Variants in NAV2 observed in about 807,000 individuals in gnomAD.
NAV2 encodes neuron navigator 2, also known as helicase, APC down-regulated 1.
NAV2 carries 54 observed loss-of-function variants against 223.2 expected under a neutral mutation model. The ratio of observed to expected loss-of-function variants is 0.24; its 90% confidence interval spans 0.19 to 0.30. NAV2 has a LOEUF of 0.30. NAV2 is among the 10% of genes least tolerant of loss of function. NAV2 has a pLI of 1.00. For missense variants in NAV2, 2,806 were observed against 3,147.5 expected (o/e 0.89, Z 2.60); for synonymous variants, 1,279 against 1,239.3 (o/e 1.03, Z -0.67).
intron 1 of NAV2, among the ~76,000 whole-genome samples, chr11:19,368,687 G>T (rs1216207828): frequency 2.0e-5 from 3 of 152,166 alleles, no homozygotes; most frequent in Non-Finnish European, 2.9e-5. Context: ...ATAACTAAAG[G>T]ACCTGAAGCT....
chr11:19,827,978 T>G, intron 1 of NAV2, among the ~76,000 whole-genome samples: 9 of 132,130 alleles, frequency 6.8e-5, no homozygotes, highest in Admixed American at 2.3e-4. Flanking sequence ...AAGGGGAGGG[T>G]GGGGAGGGAA....
intron 1 of NAV2, among the ~76,000 whole-genome samples, chr11:19,804,973 G>C (rs2058471530): frequency 6.6e-6 from 1 of 152,174 alleles, no homozygotes; most frequent in Non-Finnish European, 1.5e-5. Context: ...TAGTTGAATT[G>C]GGCTGAAGTG....
intron 1 of NAV2, among the ~76,000 whole-genome samples, chr11:19,653,806 A>G (rs1030811154): frequency 6.6e-6 from 1 of 152,170 alleles, no homozygotes; most frequent in Non-Finnish European, 1.5e-5. Flanking sequence ...TAATTTTCCC[A>G]TGGTAACGCA....
At chr11:19,444,452 C>G (rs1181249544) in intron 1 of NAV2, among the ~76,000 whole-genome samples, 4 of 152,098 alleles carry the variant, frequency 2.6e-5, no homozygotes, top group African/African-American at 9.7e-5. Context: ...GATGTAATGC[C>G]TCTTCCAGAT....
intron 3 of NAV2, among the ~76,000 whole-genome samples, chr11:19,863,422 AG>A (rs2061908234): frequency 6.6e-6 from 1 of 152,104 alleles, no homozygotes; most frequent in Non-Finnish European, 1.5e-5. Flanking sequence ...TAGGCTTGGT[AG>A]GTTCTTATTC....
intron 1 of NAV2, among the ~76,000 whole-genome samples, chr11:19,439,071 A>T (rs1851310007): frequency 6.6e-6 from 1 of 152,032 alleles, no homozygotes; most frequent in Non-Finnish European, 1.5e-5. Context: ...CCCCATCTTG[A>T]AGTTTTCTAG....
At chr11:20,109,949 C>T (rs2062484178) in intron 36 of NAV2, among the ~76,000 whole-genome samples, 1 of 152,230 alleles carries the variant, frequency 6.6e-6, no homozygotes, top group Admixed American at 6.5e-5. Context: ...GTGCCAAGGC[C>T]CTGCTCCTTT....
intron 1 of NAV2, among the ~76,000 whole-genome samples, chr11:19,415,420 A>C (rs1033252566): frequency 2.2e-4 from 34 of 152,230 alleles, no homozygotes; most frequent in African/African-American, 7.7e-4. Flanking sequence ...TGAATAGATC[A>C]ATAACAAGTT....
intron 1 of NAV2, among the ~76,000 whole-genome samples, chr11:19,680,630 C>T (rs376448336): frequency 4.8e-4 from 73 of 151,630 alleles, no homozygotes; most frequent in Non-Finnish European, 4.7e-4. Context: ...ACCTGCTGTG[C>T]CCCTTTGGGA....
At chr11:19,549,814 C>T (rs943498579) in intron 1 of NAV2, among the ~76,000 whole-genome samples, 4 of 152,246 alleles carry the variant, frequency 2.6e-5, no homozygotes, top group Non-Finnish European at 4.4e-5. Flanking sequence ...TCATCTGCCC[C>T]ACCAAGGGCA....
chr11:19,409,316 A>G (rs1850041213), intron 1 of NAV2, among the ~76,000 whole-genome samples: 1 of 152,208 alleles, frequency 6.6e-6, no homozygotes, highest in Admixed American at 6.5e-5. Context: ...TTAACAAAGC[A>G]TGGAGACTAA....
intron 1 of NAV2, among the ~76,000 whole-genome samples, chr11:19,387,392 G>A (rs532765587): frequency 6.6e-6 from 1 of 152,226 alleles, no homozygotes; most frequent in African/African-American, 2.4e-5. Context: ...AAGACTGGAA[G>A]CATGGAAGTT....
chr11:19,438,709 G>A, intron 1 of NAV2, among the ~76,000 whole-genome samples: 1 of 152,090 alleles, frequency 6.6e-6, no homozygotes, highest in Non-Finnish European at 1.5e-5. Flanking sequence ...TACATTGACT[G>A]GTTTATTATA....
intron 1 of NAV2, among the ~76,000 whole-genome samples, chr11:19,628,419 G>T (rs2047236622): frequency 6.6e-6 from 1 of 152,184 alleles, no homozygotes; most frequent in South Asian, 2.1e-4. Context: ...TCAGGCTCCT[G>T]GCAATCAGGG....
intron 1 of NAV2, among the ~76,000 whole-genome samples, chr11:19,763,149 T>C (rs1006336826): frequency 2.6e-5 from 4 of 152,210 alleles, no homozygotes; most frequent in South Asian, 2.1e-4. Context: ...TATGTATTTG[T>C]TGGAGAAATG....
Position 19,869,022 on chromosome 11 carries a change from G to A in NAV2, c.511+25G>A, listed in dbSNP as rs200984895. On this transcript the variant is annotated intron_variant, in intron 4 of 37. Transcript: ENST00000349880. ...GGTGAGTCAGAGCGCTTGTCACGAA[G>A]CTGCCTCTTCATCATTAGAAATGCC... The A allele has an allele frequency of 4.1e-4, 664 of 1,609,698 alleles. 5 individuals are homozygous for A. The East Asian group carries it at 0.015, about 36-fold the overall frequency.
At chr11:19,729,250 G>A (rs1173672308) in intron 1 of NAV2, among the ~76,000 whole-genome samples, 1 of 152,174 alleles carries the variant, frequency 6.6e-6, no homozygotes, top group Admixed American at 6.5e-5. Flanking sequence ...TAGAAGATGG[G>A]AGAGGAGCTG....
intron 1 of NAV2, among the ~76,000 whole-genome samples, chr11:19,605,814 T>C (rs896668615): frequency 5.9e-5 from 9 of 152,230 alleles, no homozygotes; most frequent in Admixed American, 5.9e-4. Flanking sequence ...TGGAAGGTCC[T>C]GGTATTCCAG....
chr11:19,522,176 G>A (rs1031240436), intron 1 of NAV2, among the ~76,000 whole-genome samples: 6 of 152,192 alleles, frequency 3.9e-5, no homozygotes, highest in Non-Finnish European at 7.3e-5. Context: ...TGGCTGTGCC[G>A]CTTGGAAGCC....
Sources: gnomAD v4.1 joint callset for allele counts (sites outside exome capture counted in the v4.1 genomes callset) on GRCh38, gnomAD v4.1.1 for gene constraint, MANE v1.5 for transcripts, NCBI Gene and HGNC (gene_info 2026-07-23, HGNC 2026-07-21) for gene names.